ARHGEF6: variants seen among roughly 807,000 people sequenced by gnomAD.
The protein encoded by ARHGEF6 is rho guanine nucleotide exchange factor 6.
A neutral mutation model predicts 70.3 loss-of-function variants in ARHGEF6; 9 were observed. The ratio of observed to expected loss-of-function variants is 0.13; its 90% confidence interval spans 0.08 to 0.22. The LOEUF (loss-of-function observed/expected upper bound fraction) is 0.22, where lower values mean the gene tolerates loss of function less well. Ranked by LOEUF, ARHGEF6 falls within the 10% of genes least tolerant of loss-of-function variation. The probability of loss-of-function intolerance (pLI) is 1.00; values close to 1 mark genes in which losing one functional copy is unlikely to be tolerated. For missense variants in ARHGEF6, 470 were observed against 563.0 expected (o/e 0.83, Z 1.67); for synonymous variants, 201 against 207.8 (o/e 0.97, Z 0.28).
At chrX:136,693,503 T>C (rs767225472) in intron 9 of ARHGEF6, among the ~76,000 whole-genome samples, 2 of 112,349 alleles carry the variant, frequency 1.8e-5, no homozygotes, top group South Asian at 3.7e-4. Context: ...CTTTTAAATG[T>C]AGAATTTTAT....
chrX:136,728,384 T>C (rs1021137944), intron 6 of ARHGEF6, among the ~76,000 whole-genome samples: 6 of 110,683 alleles, frequency 5.4e-5, no homozygotes, highest in East Asian at 5.7e-4. Flanking sequence ...TGGACAACTA[T>C]GTAACATTTC....
Position 136,680,829 on chromosome X carries a change from A to T in ARHGEF6, c.1606T>A (p.Phe536Ile). 8.3e-7 allele frequency: 1 copy of T among 1,211,727 alleles called. No individual in the cohort carries two copies. Among genetic ancestry groups the T allele is most frequent in the Non-Finnish European group, 1.1e-6 (1 of 895,317 alleles). ...TTCAGCTGCTCCAACCATTCCTGGA[A>T]GTCCTGGTTGTTGTTACAATGGACC... is the stretch of plus-strand genomic sequence containing the variant. Reference protein sequence around the residue: ...IVVHCNNNQDFQEWLEQLNRL... With the variant: ...IVVHCNNNQDIQEWLEQLNRL... Residue 536 changes from phenylalanine (F) to isoleucine (I), a missense_variant, in exon 15 of 22, where the codon TTC (phenylalanine) becomes ATC (isoleucine). Phe to Ile is a conservative substitution (Grantham distance 21). Transcript: ENST00000250617.
At chrX:136,729,957 A>G (rs1346142077) in intron 6 of ARHGEF6, among the ~76,000 whole-genome samples, 2 of 110,583 alleles carry the variant, frequency 1.8e-5, no homozygotes, top group Admixed American at 1.9e-4. Flanking sequence ...ATACACTTAC[A>G]CCTACCTTAA....
intron 16 of ARHGEF6, among the ~76,000 whole-genome samples, chrX:136,678,627 C>T (rs764864398): frequency 1.8e-5 from 2 of 111,511 alleles, no homozygotes; most frequent in South Asian, 7.5e-4. Context: ...AACAATTAAT[C>T]GAAACAAAAG....
In ARHGEF6 at chrX:136,737,382, A is replaced by G. The variant is rs140573197; in HGVS notation, c.662-5210T>C. 8.8e-3 allele frequency: 1,285 copies of G among 146,817 alleles called. 21 individuals are homozygous for G. Among genetic ancestry groups the G allele is most frequent in the African/African-American group, 0.041 (1,220 of 30,103 alleles). The allele number at this position is 146,817 out of a possible 1,213,427, so 12.1% of individuals were successfully genotyped here. ...CTCGGGAGACTGAGGCAAGAGACTCACTTGAACCTGGGAGGCAGAGGTTGT... is the reference window on the plus strand; with the variant it reads ...CTCGGGAGACTGAGGCAAGAGACTCGCTTGAACCTGGGAGGCAGAGGTTGT... On this transcript the variant is annotated intron_variant, in intron 5 of 21. Transcript: ENST00000250617.
chrX:136,766,850 T>TG (rs1334422122), intron 2 of ARHGEF6, among the ~76,000 whole-genome samples: 1 of 112,630 alleles, frequency 8.9e-6, no homozygotes, highest in Non-Finnish European at 1.9e-5. Context: ...GCTCTGGTTC[T>TG]GGGGGAAGGA....
rs866717508 is a variant in ARHGEF6 at position 136,670,275 on chromosome X, A to C, written c.2136-739T>G. Among the ~76,000 whole-genome samples, 4 of 112,640 alleles carry C rather than the reference A, an allele frequency of 3.6e-5. No individual in the cohort carries two copies. The South Asian group carries it at 1.5e-3, about 42-fold the overall frequency. On this transcript the variant is annotated intron_variant, in intron 20 of 21. Coordinates refer to ENST00000250617, the MANE Select transcript of ARHGEF6 (RefSeq NM_004840.3). ...TTAGGAAAAAACAATATGGTATAAC[A>C]GTGCATACATATATCAAGACATCAC...
intron 12 of ARHGEF6, among the ~76,000 whole-genome samples, chrX:136,684,772 T>C (rs1451054814): frequency 9.0e-6 from 1 of 111,590 alleles, no homozygotes; most frequent in African/African-American, 3.3e-5. Flanking sequence ...TGGCTTTCCC[T>C]TCTAAAGATG....
At chrX:136,776,155 A>G (rs1438829315) in intron 2 of ARHGEF6, among the ~76,000 whole-genome samples, 93 of 111,716 alleles carry the variant, frequency 8.3e-4, no homozygotes, top group Non-Finnish European at 1.9e-5. Context: ...CCATCAAAAT[A>G]CCATAATAAT....
At chrX:136,774,592 A>G (rs1217431009) in intron 2 of ARHGEF6, among the ~76,000 whole-genome samples, 2 of 104,162 alleles carry the variant, frequency 1.9e-5, no homozygotes, top group Non-Finnish European at 3.9e-5. Flanking sequence ...CAGAGGTTGC[A>G]GTGAGCAGAG....
Position 136,714,265 on chromosome X carries a change from G to A in ARHGEF6, c.733-895C>T, listed in dbSNP as rs1473417925. On this transcript the variant is annotated intron_variant, in intron 6 of 21. Transcript: ENST00000250617. ...AACCCATTTCCAAGCCTCTTCTAGTGACAGGTAAAACCTTCATTTAATACC... is the reference window on the plus strand; with the variant it reads ...AACCCATTTCCAAGCCTCTTCTAGTAACAGGTAAAACCTTCATTTAATACC... Among the ~76,000 whole-genome samples the A allele has an allele frequency of 5.4e-5, 6 of 111,712 alleles. No homozygotes were observed. The East Asian group carries it at 1.7e-3, about 31-fold the overall frequency.
rs756019506 is a variant in ARHGEF6 at position 136,666,465 on chromosome X, C to T, written c.*1564G>A. ...TGACCTCCTGGGCTCAAATGATCCTCCCACCTCAGCCTCCTGAGTAGCTGG... is the reference window on the plus strand; with the variant it reads ...TGACCTCCTGGGCTCAAATGATCCTTCCACCTCAGCCTCCTGAGTAGCTGG... On this transcript the variant is annotated 3_prime_UTR_variant, in exon 22 of 22. Coordinates refer to ENST00000250617, the MANE Select transcript of ARHGEF6 (RefSeq NM_004840.3). 8.9e-6 allele frequency: 1 copy of T among 112,422 alleles called. No homozygotes were observed. Among genetic ancestry groups the T allele is most frequent in the South Asian group, 3.7e-4 (1 of 2,678 alleles). 9.3% of individuals were successfully genotyped at this position (112,422 alleles called of 1,213,427 possible).
At chrX:136,772,525 C>T (rs2077370742) in intron 2 of ARHGEF6, among the ~76,000 whole-genome samples, 1 of 112,195 alleles carries the variant, frequency 8.9e-6, no homozygotes, top group Non-Finnish European at 1.9e-5. Context: ...AATATATACA[C>T]CTGCTATGTA....
At chrX:136,768,323 G>T (rs2077337690) in intron 2 of ARHGEF6, 1 of 112,529 alleles carries the variant, frequency 8.9e-6, no homozygotes, top group African/African-American at 3.2e-5. Flanking sequence ...TAAAACATTA[G>T]GATAGCCAGA....
At chrX:136,779,914 A>G (rs1225996344) in intron 1 of ARHGEF6, among the ~76,000 whole-genome samples, 1 of 112,088 alleles carries the variant, frequency 8.9e-6, no homozygotes, top group Non-Finnish European at 1.9e-5. Context: ...TTTACATTTT[A>G]TCACTATTTA....
intron 12 of ARHGEF6, among the ~76,000 whole-genome samples, chrX:136,684,560 A>C (rs5930976): frequency 7.0e-5 from 7 of 99,456 alleles, no homozygotes; most frequent in African/African-American, 1.5e-4. Flanking sequence ...AGCTCCCCCC[A>C]CCCCCCGGGC....
rs140560334 is a variant in ARHGEF6 at position 136,678,149 on chromosome X, C to T, written c.1831-193G>A. On this transcript the variant is annotated intron_variant, in intron 16 of 21. Coordinates refer to ENST00000250617, the MANE Select transcript of ARHGEF6 (RefSeq NM_004840.3). ...TTATCATGCAAAAGCCCGAGGAATA[C>T]AGTTCTGTGCAGAATAACAAATGCT... Among the ~76,000 whole-genome samples the T allele has an allele frequency of 8.5e-3, 952 of 111,708 alleles. 4 individuals are homozygous for T. Among genetic ancestry groups the T allele is most frequent in the Middle Eastern group, 0.06 (13 of 218 alleles).
intron 2 of ARHGEF6, among the ~76,000 whole-genome samples, chrX:136,776,715 C>T (rs1314412014): frequency 9.0e-6 from 1 of 110,801 alleles, no homozygotes; most frequent in African/African-American, 3.3e-5. Context: ...ATAGATGGGA[C>T]CTAATTAAAC....
intron 3 of ARHGEF6, among the ~76,000 whole-genome samples, chrX:136,746,667 C>A (rs930307354): frequency 1.4e-4 from 16 of 111,817 alleles, no homozygotes; most frequent in Admixed American, 7.6e-4. Context: ...GAGCAGCAAG[C>A]CTCGTGCTTG....
Sources: allele counts gnomAD v4.1 joint callset (sites outside exome capture counted in the v4.1 genomes callset), GRCh38; gene constraint gnomAD v4.1.1; transcripts MANE v1.5; gene names NCBI Gene and HGNC (gene_info 2026-07-23, HGNC 2026-07-21).